The following GRM1 variants were observed in gnomAD, a reference collection of about 807,000 sequenced individuals.
The protein encoded by GRM1 is glutamate metabotropic receptor 1.
In GRM1, 33 loss-of-function variants were observed where a neutral mutation model predicts 90.9. That is an observed-to-expected ratio of 0.36 (90% CI 0.28 to 0.49). GRM1 has a LOEUF of 0.49. GRM1 is among the 20% of genes least tolerant of loss of function. The probability of loss-of-function intolerance (pLI) is 0.99; values close to 1 mark genes in which losing one functional copy is unlikely to be tolerated. For synonymous variants in GRM1, 700 were observed against 613.2 expected, an observed-to-expected ratio of 1.14 and a Z score of -2.09; for missense variants, 1,190 against 1,534.3, an observed-to-expected ratio of 0.78 and a Z score of 3.75.
intron 7 of GRM1, among the ~76,000 whole-genome samples, chr6:146,411,369 TCCAGGATG>T (rs1367226117): frequency 6.6e-6 from 1 of 152,056 alleles, no homozygotes; most frequent in Non-Finnish European, 1.5e-5. Flanking sequence ...ATGAAGCAAT[TCCAGGATG>T]CCTGGAGCAG....
At chr6:146,239,767 A>G (rs1043825328) in intron 2 of GRM1, among the ~76,000 whole-genome samples, 6 of 152,176 alleles carry the variant, frequency 3.9e-5, no homozygotes, top group Non-Finnish European at 8.8e-5. Context: ...AATGGTTCTC[A>G]TCAGAATCAC....
intron 2 of GRM1, among the ~76,000 whole-genome samples, chr6:146,273,067 A>G (rs1009786914): frequency 5.9e-5 from 9 of 152,190 alleles, no homozygotes; most frequent in African/African-American, 1.9e-4. Context: ...ATCCAAGAAG[A>G]ATGTTGTGTG....
intron 1 of GRM1, among the ~76,000 whole-genome samples, chr6:146,078,761 T>C (rs1776270127): frequency 1.3e-5 from 2 of 152,146 alleles, no homozygotes; most frequent in African/African-American, 4.8e-5. Flanking sequence ...ATGTAGTTTG[T>C]TCTTGTAATT....
intron 1 of GRM1, among the ~76,000 whole-genome samples, chr6:146,090,018 A>C (rs1418414266): frequency 6.6e-6 from 1 of 152,042 alleles, no homozygotes; most frequent in Non-Finnish European, 1.5e-5. Context: ...TCAGACCTGT[A>C]TGTTGCAGAT....
intron 2 of GRM1, among the ~76,000 whole-genome samples, chr6:146,256,836 A>T (rs906077495): frequency 5.3e-5 from 8 of 152,034 alleles, no homozygotes; most frequent in Non-Finnish European, 1.0e-4. Context: ...TTCCTTTACA[A>T]CCAGAAAAGC....
At position 146,434,400 on chromosome 6, in the gene GRM1, G is replaced by T. The variant is rs1778523003; in HGVS notation, c.3189G>T (p.Arg1063=). The T allele has an allele frequency of 3.1e-6, 5 of 1,613,360 alleles. No individual in the cohort carries two copies. Among genetic ancestry groups the T allele is most frequent in the African/African-American group, 1.3e-5 (1 of 74,934 alleles). Residue 1063 remains arginine (R), a synonymous_variant, in exon 8 of 8, where the codon CGG becomes CGT. Coordinates refer to ENST00000282753, the MANE Select transcript of GRM1 (RefSeq NM_001278064.2). The part of the protein sequence containing the change: ...AGPGGPGNGL[R]SLYPPPPPPQ... ...CCGGTGGTCCCGGGAACGGGCTGCG[G>T]TCCCTGTACCCGCCCCCGCCACCTC...
intron 2 of GRM1, among the ~76,000 whole-genome samples, chr6:146,166,284 C>T (rs1280876273): frequency 6.6e-6 from 1 of 151,956 alleles, no homozygotes; most frequent in Non-Finnish European, 1.5e-5. Flanking sequence ...TTATTTTCCC[C>T]GTCTGATGAA....
At chr6:146,409,328 C>T (rs538810799) in intron 7 of GRM1, among the ~76,000 whole-genome samples, 1 of 152,260 alleles carries the variant, frequency 6.6e-6, no homozygotes, top group South Asian at 2.1e-4. Flanking sequence ...ATTCCCTCAA[C>T]CCACAGGGTT....
intron 1 of GRM1, among the ~76,000 whole-genome samples, chr6:146,085,443 C>T (rs546575402): frequency 8.5e-5 from 13 of 152,054 alleles, no homozygotes; most frequent in Non-Finnish European, 1.5e-4. Flanking sequence ...TCACATAATT[C>T]TGATTCAAAC....
chr6:146,053,111 A>G (rs1480161722), intron 1 of GRM1, among the ~76,000 whole-genome samples: 1 of 152,074 alleles, frequency 6.6e-6, no homozygotes, highest in Non-Finnish European at 1.5e-5. Flanking sequence ...TCAGATGGAA[A>G]CTTCTTTTAT....
intron 1 of GRM1, among the ~76,000 whole-genome samples, chr6:146,047,416 A>G (rs1346641204): frequency 1.3e-5 from 2 of 151,876 alleles, no homozygotes; most frequent in African/African-American, 4.8e-5. Context: ...CAACATAAAT[A>G]TTTGATTTTA....
At chr6:146,214,492 A>G (rs915406883) in intron 2 of GRM1, among the ~76,000 whole-genome samples, 2 of 152,212 alleles carry the variant, frequency 1.3e-5, no homozygotes, top group Admixed American at 1.3e-4. Context: ...TTGGAAAATG[A>G]GTATTTTAGA....
intron 6 of GRM1, among the ~76,000 whole-genome samples, chr6:146,389,966 C>T (rs758263851): frequency 1.6e-4 from 24 of 151,970 alleles, no homozygotes; most frequent in Admixed American, 4.6e-4. Flanking sequence ...ACCATGGTAG[C>T]GGTAGTTATG....
intron 6 of GRM1, among the ~76,000 whole-genome samples, chr6:146,397,212 G>T (rs1056639121): frequency 1.3e-5 from 2 of 151,974 alleles, no homozygotes; most frequent in African/African-American, 4.8e-5. Flanking sequence ...GCTGGGTGTG[G>T]TGGCTCATGC....
At chr6:146,088,125 A>C (rs1776605584) in intron 1 of GRM1, among the ~76,000 whole-genome samples, 1 of 152,028 alleles carries the variant, frequency 6.6e-6, no homozygotes, top group Admixed American at 6.6e-5. Context: ...TTTTATTTTA[A>C]CTATTCTGAT....
At chr6:146,216,749 C>T (rs1483829967) in intron 2 of GRM1, among the ~76,000 whole-genome samples, 1 of 152,204 alleles carries the variant, frequency 6.6e-6, no homozygotes, top group Non-Finnish European at 1.5e-5. Context: ...ACCTCACACG[C>T]TGAAGTCAAG....
chr6:146,331,725 G>C (rs1784594826), intron 3 of GRM1, among the ~76,000 whole-genome samples: 1 of 152,114 alleles, frequency 6.6e-6, no homozygotes, highest in African/African-American at 2.4e-5. Context: ...TTTGAAGGGA[G>C]ACAGAGTACA....
chr6:146,033,306 C>T (rs2128836546), intron 1 of GRM1, among the ~76,000 whole-genome samples: 1 of 152,116 alleles, frequency 6.6e-6, no homozygotes, highest in Admixed American at 6.5e-5. Flanking sequence ...AATAGCCTAC[C>T]ACTGATAAGA....
At chr6:146,085,723 T>A (rs554913407) in intron 1 of GRM1, among the ~76,000 whole-genome samples, 5 of 152,172 alleles carry the variant, frequency 3.3e-5, no homozygotes, top group Non-Finnish European at 7.4e-5. Flanking sequence ...ACCACTGTTC[T>A]TTTCGATTAT....
Sources: gnomAD v4.1 joint callset for allele counts (sites outside exome capture counted in the v4.1 genomes callset) on GRCh38, gnomAD v4.1.1 for gene constraint, MANE v1.5 for transcripts, NCBI Gene and HGNC (gene_info 2026-07-23, HGNC 2026-07-21) for gene names.